Variants in PAPOLG observed in about 807,000 individuals in gnomAD.
PAPOLG encodes the protein poly(A) polymerase gamma.
A neutral mutation model predicts 99.0 loss-of-function variants in PAPOLG; 40 were observed. The observed-to-expected ratio is 0.40, with a 90% CI of 0.31 to 0.53. The LOEUF (loss-of-function observed/expected upper bound fraction) is 0.53. Among genes scored for constraint, PAPOLG ranks in the 20% least tolerant of loss-of-function variants. PAPOLG has a pLI of 0.41. For missense variants in PAPOLG, 675 were observed against 884.1 expected, an observed-to-expected ratio of 0.76 and a Z score of 3.00; for synonymous variants, 310 against 299.3, an observed-to-expected ratio of 1.04 and a Z score of -0.37.
chr2:60,774,641 A>G (rs1670964127), intron 7 of PAPOLG, among the ~76,000 whole-genome samples: 2 of 152,112 alleles, frequency 1.3e-5, no homozygotes, highest in South Asian at 4.1e-4. Flanking sequence ...GCTGGGATTG[A>G]GAACCAATGT....
Position 60,801,179 on chromosome 2 carries a change from C to G in PAPOLG, c.*4019C>G, listed in dbSNP as rs1671827295. ...TGTTGAGTTCTGTAGCATGAAAACT[C>G]TCTTGCTCCTCCATGTTTGTAGTTC... On this transcript the variant is annotated 3_prime_UTR_variant, in exon 22 of 22. Coordinates refer to ENST00000238714, the MANE Select transcript of PAPOLG (RefSeq NM_022894.4). 6.6e-6 allele frequency: 1 copy of G among 152,174 alleles called. No homozygotes were observed. The highest frequency in any genetic ancestry group is 2.1e-4 in the South Asian group (1 of 4,820). 9.4% of individuals were successfully genotyped at this position (152,174 alleles called of 1,614,324 possible).
chr2:60,781,119 G>T, intron 10 of PAPOLG, among the ~76,000 whole-genome samples: 1 of 152,222 alleles, frequency 6.6e-6, no homozygotes. Flanking sequence ...TCTTTGGGAG[G>T]CCGAGGCGGG....
At chr2:60,786,505 A>G (rs956610658) in intron 13 of PAPOLG, among the ~76,000 whole-genome samples, 1 of 151,358 alleles carries the variant, frequency 6.6e-6, no homozygotes, top group Non-Finnish European at 1.5e-5. Context: ...TGCTGGGATT[A>G]CAGGCATGAG....
At chr2:60,760,779 C>T (rs951349936) in intron 2 of PAPOLG, among the ~76,000 whole-genome samples, 3 of 152,104 alleles carry the variant, frequency 2.0e-5, no homozygotes, top group Admixed American at 6.6e-5. Flanking sequence ...CTCTTAGGAC[C>T]TTGTAAGGTG....
Position 60,797,066 on chromosome 2 carries a change from T to C in PAPOLG, c.2117T>C (p.Leu706Pro). ...TTTCCTCTTTCTTTCTAATAGAGAC[T>C]ACCCAGTAAAGAACTACCAGATTCA... The part of the protein sequence containing the change: ...PTIDTSRKKR[L>P]PSKELPDSSS... The change falls in exon 22 of 22, where the codon CTA (leucine) becomes CCA (proline). Residue 706 changes from leucine to proline, a missense_variant. Leu to Pro is a moderately conservative substitution (Grantham distance 98). Around this residue, in one of 3 missense-constraint regions of PAPOLG, gnomAD observed 413 missense variants for 460.5 expected, o/e 0.90. Coordinates refer to ENST00000238714, the MANE Select transcript of PAPOLG (RefSeq NM_022894.4). 1.2e-6 allele frequency: 2 copies of C among 1,612,090 alleles called. No individual in the cohort carries two copies. Among genetic ancestry groups the C allele is most frequent in the Non-Finnish European group, 1.7e-6 (2 of 1,178,138 alleles).
In PAPOLG at chr2:60,788,631, GT is replaced by G. The variant is rs112719716; in HGVS notation, c.1396+1015del. 2.1e-3 allele frequency among the ~76,000 whole-genome samples: 314 copies of G among 152,202 alleles called. 1 individual carries two copies. Among genetic ancestry groups the G allele is most frequent in the African/African-American group, 7.1e-3 (296 of 41,540 alleles). On this transcript the variant is annotated intron_variant, in intron 15 of 21. Transcript: ENST00000238714. Reference sequence around the variant, plus strand: ...CACCTCGCCTGGCTGAATGTTATCTGTTTTAAAACAAAGAAAGGAAAGCTCT... The same window carrying G: ...CACCTCGCCTGGCTGAATGTTATCTGTTTAAAACAAAGAAAGGAAAGCTCT...
intron 7 of PAPOLG, 134 bp downstream of exon 7, chr2:60,771,764 GT>G (rs1480750609): frequency 1.1e-6 from 1 of 922,974 alleles, no homozygotes; most frequent in Admixed American, 3.4e-5. Context: ...TACAGATAAT[GT>G]GACCACATTT....
At chr2:60,784,232 A>T (rs1293804013) in intron 13 of PAPOLG, among the ~76,000 whole-genome samples, 1 of 152,166 alleles carries the variant, frequency 6.6e-6, no homozygotes, top group Non-Finnish European at 1.5e-5. Flanking sequence ...TGGCCTCCCA[A>T]AGTGCTGGAA....
Position 60,788,223 on chromosome 2 carries a change from G to C in PAPOLG, c.1396+603G>C, listed in dbSNP as rs1671426072. On this transcript the variant is annotated intron_variant, in intron 15 of 21. Coordinates refer to ENST00000238714, the MANE Select transcript of PAPOLG (RefSeq NM_022894.4). ...AAGGATACTTAGTTTAAAAAAAATG[G>C]CAAGACTGGTTGCTTCTAGGTCAGG... 2.0e-5 allele frequency among the ~76,000 whole-genome samples: 3 copies of C among 152,054 alleles called. No homozygotes were observed. The South Asian group carries it at 6.2e-4, about 31-fold the overall frequency.
Position 60,798,393 on chromosome 2 carries a change from A to G in PAPOLG, c.*1233A>G, listed in dbSNP as rs983488076. 12 of 152,782 alleles carry G rather than the reference A, an allele frequency of 7.9e-5. No homozygotes were observed. The highest frequency in any genetic ancestry group is 2.4e-4 in the African/African-American group (10 of 41,460). The allele number at this position is 152,782 out of a possible 1,614,324, so 9.5% of individuals were successfully genotyped here. A position where few individuals can be genotyped will look rare whatever the true frequency, so the allele number is the denominator to read the frequency against. On this transcript the variant is annotated 3_prime_UTR_variant, in exon 22 of 22. Transcript: ENST00000238714. ...TGTTGATTCAGTGTTTTGTAAATGAAGTCGTATGTATTTTCAGAGTATTTT... is the reference window on the plus strand; with the variant it reads ...TGTTGATTCAGTGTTTTGTAAATGAGGTCGTATGTATTTTCAGAGTATTTT...
rs1671133044 is a variant in PAPOLG, at chr2:60,779,701, A to G, written c.759A>G (p.Ala253=). 2 of 1,614,088 alleles carry G rather than the reference A, an allele frequency of 1.2e-6. No homozygotes were observed. The highest frequency in any genetic ancestry group is 1.7e-6 in the Non-Finnish European group (2 of 1,179,934). Reference sequence around the variant, plus strand: ...GTGTCTCCTGGGCAATGCTAGTTGCAAGAACTTGCCAATTGTATCCAAATG... The same window carrying G: ...GTGTCTCCTGGGCAATGCTAGTTGCGAGAACTTGCCAATTGTATCCAAATG... The part of the protein sequence containing the change: ...LGGVSWAMLV[A]RTCQLYPNAA... Residue 253 remains alanine (A), a synonymous_variant, in exon 9 of 22, where the codon GCA becomes GCG. Transcript: ENST00000238714.
At chr2:60,758,645 T>C (rs1020744276) in intron 1 of PAPOLG, among the ~76,000 whole-genome samples, 2 of 152,080 alleles carry the variant, frequency 1.3e-5, no homozygotes, top group Non-Finnish European at 2.9e-5. Context: ...GCCAGGCTGA[T>C]CTTGAACTTC....
At chr2:60,757,415 C>CT (rs1193614682) in intron 1 of PAPOLG, among the ~76,000 whole-genome samples, 2 of 151,974 alleles carry the variant, frequency 1.3e-5, no homozygotes, top group Admixed American at 6.6e-5. Flanking sequence ...TATTTTACTT[C>CT]TTTTTTTTCC....
At chr2:60,779,936 T>C (rs771970588) in intron 9 of PAPOLG, among the ~76,000 whole-genome samples, 161 bp downstream of exon 9, 2 of 152,234 alleles carry the variant, frequency 1.3e-5, no homozygotes, top group Admixed American at 1.3e-4. Flanking sequence ...GTGGGACATC[T>C]AATTGGCACC....
intron 3 of PAPOLG, among the ~76,000 whole-genome samples, chr2:60,762,904 G>T (rs990926562): frequency 6.6e-6 from 1 of 151,796 alleles, no homozygotes; most frequent in Non-Finnish European, 1.5e-5. Context: ...TGGGATTACA[G>T]CCTCGAGCCA....
chr2:60,759,295 G>A (rs994755328), intron 1 of PAPOLG, among the ~76,000 whole-genome samples: 1 of 151,858 alleles, frequency 6.6e-6, no homozygotes, highest in African/African-American at 2.4e-5. Context: ...TTGAACCCAG[G>A]AGGCAGAGGT....
rs2103834300 is a variant in PAPOLG at position 60,797,315 on chromosome 2, C to T, written c.*155C>T. On this transcript the variant is annotated 3_prime_UTR_variant, in exon 22 of 22. Transcript: ENST00000238714. The stretch of plus-strand genomic sequence containing the variant: ...TTGAAGTGGTTTTTGAACTGTCAAA[C>T]TTTGACCTGTAGATGCTGTAGCATT... 3.5e-6 allele frequency: 3 copies of T among 863,534 alleles called. No individual in the cohort carries two copies. Among genetic ancestry groups the T allele is most frequent in the Non-Finnish European group, 5.4e-6 (3 of 560,658 alleles). 53.5% of individuals were successfully genotyped at this position (863,534 alleles called of 1,614,324 possible).
At position 60,770,467 on chromosome 2, in the gene PAPOLG, G is replaced by A; in HGVS notation, c.448G>A (p.Asp150Asn). ...DGIRNLRAVE[D>N]AFVPVIKFEF... ...TTTTCCTTTTTTGTAGGCTGTAGAA[G>A]ATGCCTTTGTACCTGTTATAAAATT... Residue 150 changes from aspartate (D) to asparagine (N), a missense_variant, in exon 6 of 22, where the codon GAT becomes AAT. Transcript: ENST00000238714. The A allele has an allele frequency of 6.3e-7, 1 of 1,598,346 alleles. No homozygotes were observed. Among genetic ancestry groups the A allele is most frequent in the Non-Finnish European group, 8.5e-7 (1 of 1,171,910 alleles).
chr2:60,769,354 G>A (rs371135307), intron 5 of PAPOLG, among the ~76,000 whole-genome samples: 2 of 152,148 alleles, frequency 1.3e-5, no homozygotes. Flanking sequence ...TTCAGCACTA[G>A]TAATTTGTTA....
Sources: gnomAD v4.1 joint callset for allele counts (sites outside exome capture counted in the v4.1 genomes callset) on GRCh38, gnomAD v4.1.1 for gene constraint, gnomAD v4.1.1 regional missense constraint, MANE v1.5 for transcripts, NCBI Gene and HGNC (gene_info 2026-07-23, HGNC 2026-07-21) for gene names.